CADM1: variants seen among roughly 807,000 people sequenced by gnomAD.
CADM1 encodes the protein cell adhesion molecule 1, also known as TSLC-1.
Under a neutral mutation model 53.1 loss-of-function variants are expected in CADM1, and 15 were observed. That is an observed-to-expected ratio of 0.28 (90% CI 0.19 to 0.44). The LOEUF (loss-of-function observed/expected upper bound fraction) is 0.44. CADM1 is among the 20% of genes least tolerant of loss of function. CADM1 has a pLI of 1.00. For synonymous variants in CADM1, 281 were observed against 243.0 expected (o/e 1.16, Z -1.45); for missense variants, 434 against 611.3 (o/e 0.71, Z 3.06).
chr11:115,407,094 C>A (rs1325962980), intron 1 of CADM1, among the ~76,000 whole-genome samples: 1 of 151,972 alleles, frequency 6.6e-6, no homozygotes, highest in Non-Finnish European at 1.5e-5. Flanking sequence ...AGTGTGATTG[C>A]TGCTGAATTT....
chr11:115,424,693 A>G (rs983919540), intron 1 of CADM1, among the ~76,000 whole-genome samples: 15 of 151,932 alleles, frequency 9.9e-5, no homozygotes, highest in African/African-American at 3.4e-4. Flanking sequence ...TGCCCAGCTA[A>G]TTTTTGCATT....
At chr11:115,328,724 ATG>A (rs1945045885) in intron 1 of CADM1, among the ~76,000 whole-genome samples, 2 of 125,606 alleles carry the variant, frequency 1.6e-5, no homozygotes, top group African/African-American at 5.9e-5. Context: ...GTGTATATAT[ATG>A]TATATACATA....
At chr11:115,295,521 TATATATATA>T (rs1276186213) in intron 1 of CADM1, among the ~76,000 whole-genome samples, 3 of 76,840 alleles carry the variant, frequency 3.9e-5, no homozygotes, top group East Asian at 1.5e-3. Context: ...TATATATATA[TATATATATA>T]TATATATATA....
chr11:115,201,304 G>A (rs566710403), intron 8 of CADM1, among the ~76,000 whole-genome samples: 14 of 152,258 alleles, frequency 9.2e-5, no homozygotes, highest in African/African-American at 3.1e-4. Flanking sequence ...AGAGCATCTG[G>A]TATGCTACTT....
chr11:115,220,836 T>C (rs1941379104), intron 5 of CADM1, among the ~76,000 whole-genome samples: 1 of 152,154 alleles, frequency 6.6e-6, no homozygotes, highest in Non-Finnish European at 1.5e-5. Flanking sequence ...CTGGCACCTC[T>C]AGAACTAAGG....
At chr11:115,485,232 C>A (rs1000783684) in intron 1 of CADM1, among the ~76,000 whole-genome samples, 2 of 152,178 alleles carry the variant, frequency 1.3e-5, no homozygotes, top group African/African-American at 4.8e-5. Context: ...TCCTTTCTGG[C>A]ATTCATCACA....
At chr11:115,404,601 A>G (rs992565711) in intron 1 of CADM1, among the ~76,000 whole-genome samples, 1 of 150,018 alleles carries the variant, frequency 6.7e-6, no homozygotes, top group African/African-American at 2.4e-5. Flanking sequence ...AAAACAAAAA[A>G]TAACATAAAT....
At chr11:115,246,583 T>A (rs1317084896) in intron 1 of CADM1, among the ~76,000 whole-genome samples, 1 of 152,206 alleles carries the variant, frequency 6.6e-6, no homozygotes, top group African/African-American at 2.4e-5. Flanking sequence ...TGAAATCATA[T>A]GACAAGCATG....
intron 1 of CADM1, among the ~76,000 whole-genome samples, chr11:115,411,632 G>A (rs1214603451): frequency 6.6e-6 from 1 of 151,886 alleles, no homozygotes; most frequent in Non-Finnish European, 1.5e-5. Context: ...AATTCTTTGT[G>A]GCCAAAGAAA....
intron 1 of CADM1, among the ~76,000 whole-genome samples, chr11:115,271,926 T>C (rs906102285): frequency 2.0e-5 from 3 of 152,230 alleles, no homozygotes; most frequent in Admixed American, 6.5e-5. Context: ...CATTAATCTA[T>C]ACCACCTGTC....
intron 1 of CADM1, among the ~76,000 whole-genome samples, chr11:115,335,121 T>C (rs1364689950): frequency 6.6e-6 from 1 of 152,058 alleles, no homozygotes; most frequent in Non-Finnish European, 1.5e-5. Context: ...TGGTAAACCA[T>C]AAAAATTCAT....
At position 115,432,251 on chromosome 11, in the gene CADM1, A is replaced by C. The variant is rs1167131676; in HGVS notation, c.124+72020T>G. On this transcript the variant is annotated intron_variant, in intron 1 of 11. Transcript: ENST00000331581. Reference sequence around the variant, plus strand: ...TGAGCCACCACACCCGGCCCTAAATATATTTAATAACTGATCCCTGACCAT... The same window carrying C: ...TGAGCCACCACACCCGGCCCTAAATCTATTTAATAACTGATCCCTGACCAT... 2.6e-5 allele frequency among the ~76,000 whole-genome samples: 4 copies of C among 152,122 alleles called. No individual in the cohort carries two copies. The East Asian group carries it at 5.8e-4, about 22-fold the overall frequency.
At chr11:115,206,217 C>A (rs765179557) in intron 8 of CADM1, among the ~76,000 whole-genome samples, 1 of 152,092 alleles carries the variant, frequency 6.6e-6, no homozygotes, top group South Asian at 2.1e-4. Flanking sequence ...ATCCTAAAGT[C>A]AAAAAATTGT....
chr11:115,224,529 A>T (rs1000658396), intron 5 of CADM1, among the ~76,000 whole-genome samples: 4 of 152,130 alleles, frequency 2.6e-5, no homozygotes, highest in African/African-American at 9.7e-5. Flanking sequence ...AATATGCACA[A>T]ACACAAAACC....
intron 8 of CADM1, among the ~76,000 whole-genome samples, chr11:115,203,772 T>C (rs1940549699): frequency 6.6e-6 from 1 of 152,194 alleles, no homozygotes. Flanking sequence ...CACTGTAGTA[T>C]TCAAGTCTTT....
At chr11:115,261,480 C>A (rs1942972413) in intron 1 of CADM1, among the ~76,000 whole-genome samples, 1 of 152,166 alleles carries the variant, frequency 6.6e-6, no homozygotes, top group African/African-American at 2.4e-5. Flanking sequence ...AATCCCATAA[C>A]TCTGAGATAA....
intron 1 of CADM1, among the ~76,000 whole-genome samples, chr11:115,284,355 C>T (rs1306630341): frequency 6.6e-6 from 1 of 151,870 alleles, no homozygotes; most frequent in East Asian, 1.9e-4. Context: ...AAATAATTCC[C>T]ACACACAGCA....
At chr11:115,467,017 G>C (rs996245720) in intron 1 of CADM1, among the ~76,000 whole-genome samples, 5 of 152,090 alleles carry the variant, frequency 3.3e-5, no homozygotes, top group Non-Finnish European at 7.4e-5. Flanking sequence ...TATTTCAATA[G>C]CCACCTTCCA....
chr11:115,304,889 C>T (rs1001748428), intron 1 of CADM1, among the ~76,000 whole-genome samples: 5 of 151,914 alleles, frequency 3.3e-5, no homozygotes, highest in Non-Finnish European at 5.9e-5. Context: ...GAGGTCACTG[C>T]CTTTTTGCTT....
Sources: allele counts gnomAD v4.1 joint callset (sites outside exome capture counted in the v4.1 genomes callset), GRCh38; gene constraint gnomAD v4.1.1; transcripts MANE v1.5; gene names NCBI Gene and HGNC (gene_info 2026-07-23, HGNC 2026-07-21).